TMC4: variants seen among roughly 807,000 people sequenced by gnomAD.
The protein encoded by TMC4 is transmembrane channel like 4.
TMC4 carries 70 observed loss-of-function variants against 82.0 expected under a neutral mutation model. The ratio of observed to expected loss-of-function variants is 0.85; its 90% confidence interval spans 0.70 to 1.04. TMC4 has a LOEUF of 1.04. Ranked by LOEUF, TMC4 falls within the 50% of genes least tolerant of loss-of-function variation. TMC4 has a pLI of 0.00. For missense variants in TMC4, 879 were observed against 899.0 expected, an observed-to-expected ratio of 0.98 and a Z score of 0.28; for synonymous variants, 446 against 406.0, an observed-to-expected ratio of 1.10 and a Z score of -1.18.
At chr19:54,162,563 G>A in intron 10 of TMC4, 110 bp downstream of exon 10, 3 of 906,332 alleles carry the variant, frequency 3.3e-6, no homozygotes, top group Non-Finnish European at 5.3e-6. Context: ...CAAGCAAAGG[G>A]AGCAGGCAGA....
rs375201730 is a variant in TMC4, at chr19:54,160,376, T to TG, written c.2053-3dup. 66 of 1,545,458 alleles carry TG rather than the reference T, an allele frequency of 4.3e-5. No individual in the cohort carries two copies. The African/African-American group carries it at 6.6e-4, about 16-fold the overall frequency. ...CAGGAAGACTTTATTCTGCGCCTCC[T>TG]GGGGCAAAGAGAGGTGGAGGTGAGA... is the stretch of plus-strand genomic sequence containing the variant. On this transcript the variant is annotated splice_polypyrimidine_tract_variant and splice_region_variant and intron_variant, in intron 14 of 14. Coordinates refer to ENST00000619895, the MANE Select transcript of TMC4 (RefSeq NM_144686.4).
In TMC4 at chr19:54,170,287, G is replaced by A. The variant is rs192858534; in HGVS notation, c.294-627C>T. Among the ~76,000 whole-genome samples the A allele has an allele frequency of 5.4e-3, 804 of 148,900 alleles. 3 individuals are homozygous for A. Among genetic ancestry groups the A allele is most frequent in the Non-Finnish European group, 6.9e-3 (470 of 67,686 alleles). On this transcript the variant is annotated intron_variant, in intron 2 of 14. Transcript: ENST00000619895. ...GGTGTCGGAGGCTGCAGTGAGCTGA[G>A]ACTGCACCACTGCACTCCAGCCTGG...
Position 54,172,044 on chromosome 19 carries a change from G to C in TMC4, c.119C>G (p.Ala40Gly), listed in dbSNP as rs2075907952. The C allele has an allele frequency of 5.0e-6, 8 of 1,612,246 alleles. No individual in the cohort carries two copies. The East Asian group carries it at 1.8e-4, about 36-fold the overall frequency. The stretch of plus-strand genomic sequence containing the variant: ...AGGGTCTCGGTACCGAAGGGTGGCA[G>C]CACTGGGCAGCTCGTTCAGCACAGA... ...LSSVLNELPSAATLRYRDPGV... is the reference protein window; with the variant it reads ...LSSVLNELPSGATLRYRDPGV... The change falls in exon 2 of 15, where the codon GCT (alanine) becomes GGT (glycine). Residue 40 changes from alanine (A) to glycine (G), a missense_variant. By Grantham distance (60) the Ala-to-Gly change is moderately conservative. Transcript: ENST00000619895.
chr19:54,166,037 A>G (rs1029992102), intron 5 of TMC4, among the ~76,000 whole-genome samples: 17 of 152,166 alleles, frequency 1.1e-4, no homozygotes, highest in African/African-American at 4.1e-4. Context: ...CGGCGGGAAG[A>G]GCCGAGAAGA....
Position 54,173,159 on chromosome 19 carries a change from C to G in TMC4, c.-42G>C. 6.3e-7 allele frequency: 1 copy of G among 1,596,996 alleles called. No individual in the cohort carries two copies. The highest frequency in any genetic ancestry group is 8.6e-7 in the Non-Finnish European group (1 of 1,165,910). ...GTCTCTAGTGGCCACCAGGCAGACA[C>G]TGCCCCAGGTAAGGGAGGGGCCAGG... On this transcript the variant is annotated 5_prime_UTR_variant, in exon 1 of 15. Transcript: ENST00000619895.
Position 54,172,087 on chromosome 19 carries a change from G to A in TMC4, c.80-4C>T. On this transcript the variant is annotated splice_polypyrimidine_tract_variant and splice_region_variant and intron_variant, in intron 1 of 14. Transcript: ENST00000619895. ...AGCACAGAAGACAGCGATGGGCCTG[G>A]GGAGGAGCAGGGGGCTGGGAAGACC... The A allele has an allele frequency of 1.3e-6, 2 of 1,564,290 alleles. No homozygotes were observed. Among genetic ancestry groups the A allele is most frequent in the East Asian group, 4.7e-5 (2 of 42,358 alleles).
intron 7 of TMC4, 48 bp downstream of exon 7, chr19:54,164,386 A>T (rs1253873578): frequency 6.4e-7 from 1 of 1,558,504 alleles, no homozygotes; most frequent in East Asian, 2.3e-5. Context: ...ACCGTTGGAA[A>T]TGTAGGTTCC....
Position 54,168,304 on chromosome 19 carries a change from A to G in TMC4, c.676-12T>C. ...CATTCCAGGTAACCCTGTGGGGGGA[A>G]GGCGGCGCAGGGGCCACTGTGGGAG... On this transcript the variant is annotated splice_polypyrimidine_tract_variant and intron_variant, in intron 4 of 14. Coordinates refer to ENST00000619895, the MANE Select transcript of TMC4 (RefSeq NM_144686.4). 1.3e-6 allele frequency: 2 copies of G among 1,549,454 alleles called. No homozygotes were observed. The highest frequency in any genetic ancestry group is 1.2e-5 in the South Asian group (1 of 83,880).
chr19:54,162,096 C>T lies in TMC4; in HGVS notation c.1686+6G>A. The T allele has an allele frequency of 6.2e-7, 1 of 1,608,690 alleles. No individual in the cohort carries two copies. The highest frequency in any genetic ancestry group is 1.3e-5 in the African/African-American group (1 of 74,898). ...CTCAGACCCAAGGGTCCCCCCTACC[C>T]CTTACCTTCTTCAGGTAGAAAAGCA... On this transcript the variant is annotated splice_donor_region_variant and intron_variant, in intron 11 of 14. Coordinates refer to ENST00000619895, the MANE Select transcript of TMC4 (RefSeq NM_144686.4).
At chr19:54,172,729 TCCA>T in intron 1 of TMC4, 1 of 336,666 alleles carries the variant, frequency 3.0e-6, no homozygotes, top group Non-Finnish European at 5.4e-6. Flanking sequence ...GGCAGTGGAG[TCCA>T]GGCTTTAACT....
At chr19:54,169,737 A>C in intron 2 of TMC4, 77 bp from the exon 3 acceptor site, 1 of 1,562,560 alleles carries the variant, frequency 6.4e-7, no homozygotes, top group Non-Finnish European at 8.6e-7. Flanking sequence ...ACACAATCCA[A>C]CAGTAGAATG....
chr19:54,168,227 G>GGTCAA lies in TMC4; in HGVS notation c.740_741insTTGAC (p.Tyr248Ter). 3 of 1,588,912 alleles carry GGTCAA rather than the reference G, an allele frequency of 1.9e-6. No individual in the cohort carries two copies. In the East Asian group the frequency reaches 6.9e-5, roughly 36 times the overall value. Reference sequence around the variant, plus strand: ...CAACGGCAAAGGCCCAGCACAGGTAGGTGACCGCCAGGCGTGGGCGGGGCG... The same window carrying GGTCAA: ...CAACGGCAAAGGCCCAGCACAGGTAGGTCAAGTGACCGCCAGGCGTGGGCGGGGCG... On this transcript the variant is annotated stop_gained and frameshift_variant, in exon 5 of 15. Transcript: ENST00000619895. LOFTEE classifies it high-confidence loss of function.
intron 3 of TMC4, among the ~76,000 whole-genome samples, chr19:54,169,039 C>CTT (rs1364229317): frequency 3.1e-4 from 2 of 6,518 alleles, no homozygotes; most frequent in African/African-American, 9.6e-4. Context: ...CTTTTCTTTT[C>CTT]TTTTTTTTTT....
In TMC4 at chr19:54,161,273, G is replaced by T. The variant is rs896881302; in HGVS notation, c.1687-13C>A. The stretch of plus-strand genomic sequence containing the variant: ...AGAAGAGGGTAAGCTGGTGGGGGAA[G>T]GCACGGAGAAAAGGGCTCTGAAACA... On this transcript the variant is annotated splice_polypyrimidine_tract_variant and intron_variant, in intron 11 of 14. Coordinates refer to ENST00000619895, the MANE Select transcript of TMC4 (RefSeq NM_144686.4). 25 of 1,506,012 alleles carry T rather than the reference G, an allele frequency of 1.7e-5. No homozygotes were observed. Among genetic ancestry groups the T allele is most frequent in the Non-Finnish European group, 2.0e-5 (23 of 1,128,200 alleles). 93.3% of individuals were successfully genotyped at this position (1,506,012 alleles called of 1,614,324 possible). A position where few individuals can be genotyped will look rare whatever the true frequency, so the allele number is the denominator to read the frequency against.
chr19:54,165,077 T>G (rs867726074), intron 6 of TMC4, among the ~76,000 whole-genome samples: 8 of 151,460 alleles, frequency 5.3e-5, no homozygotes, highest in Admixed American at 2.6e-4. Flanking sequence ...AAACTTTTTT[T>G]TTTTTTTTTT....
At position 54,168,862 on chromosome 19, in the gene TMC4, CT is replaced by C. The variant is rs749825222; in HGVS notation, c.443-183del. 2.5e-3 allele frequency among the ~76,000 whole-genome samples: 84 copies of C among 34,198 alleles called. 4 individuals carry two copies. The highest frequency in any genetic ancestry group is 0.01 in the Middle Eastern group (1 of 100). 22.4% of individuals were successfully genotyped at this position (34,198 alleles called of 152,430 possible). Reference sequence around the variant, plus strand: ...CTTTTCTTTTCTTTTCTTTTCTTTTCTTTTCTTTTCTTTTCTTTTCTTTTCT... The same window carrying C: ...CTTTTCTTTTCTTTTCTTTTCTTTTCTTTCTTTTCTTTTCTTTTCTTTTCT... On this transcript the variant is annotated intron_variant, in intron 3 of 14. Coordinates refer to ENST00000619895, the MANE Select transcript of TMC4 (RefSeq NM_144686.4).
chr19:54,163,195 G>A, intron 8 of TMC4, 36 bp from the exon 9 acceptor site: 3 of 1,612,022 alleles, frequency 1.9e-6, no homozygotes, highest in Non-Finnish European at 2.5e-6. Context: ...GCCCTGACCC[G>A]GTACCCACCA....
intron 6 of TMC4, among the ~76,000 whole-genome samples, chr19:54,165,211 G>A (rs975970324): frequency 1.3e-5 from 2 of 151,906 alleles, no homozygotes; most frequent in East Asian, 3.9e-4. Context: ...CCCAGCCCTG[G>A]CGCATCCTTT....
Position 54,169,536 on chromosome 19 carries a change from C to A in TMC4, c.418G>T (p.Ala140Ser), listed in dbSNP as rs377252057. The A allele has an allele frequency of 8.1e-6, 13 of 1,613,570 alleles. No homozygotes were observed. The African/African-American group carries it at 9.3e-5, about 12-fold the overall frequency. The change falls in exon 3 of 15, where the codon GCG becomes TCG. Residue 140 changes from alanine (A) to serine (S), a missense_variant. By Grantham distance (99) the Ala-to-Ser change is moderately conservative. Coordinates refer to ENST00000619895, the MANE Select transcript of TMC4 (RefSeq NM_144686.4). ...KEGLRSLQPW[A>S]WTLKRIGGQF... ...CCCCCGATCCTCTTCAGTGTCCACG[C>A]CCAGGGCTGCAGGCTTCGCAAGCCT...
Sources: gnomAD v4.1 joint callset for allele counts (sites outside exome capture counted in the v4.1 genomes callset) on GRCh38, gnomAD v4.1.1 for gene constraint, MANE v1.5 for transcripts, NCBI Gene and HGNC (gene_info 2026-07-23, HGNC 2026-07-21) for gene names.